Variants in TBC1D5 observed in about 807,000 individuals in gnomAD.
TBC1D5 encodes TBC1 domain family, member 5.
TBC1D5 carries 75 observed loss-of-function variants against 100.3 expected under a neutral mutation model. The ratio of observed to expected loss-of-function variants is 0.75; its 90% CI spans 0.62 to 0.91. The LOEUF (loss-of-function observed/expected upper bound fraction) is 0.91. Among genes scored for constraint, TBC1D5 ranks in the 40% least tolerant of loss-of-function variants. The pLI, the probability that TBC1D5 is intolerant of heterozygous loss-of-function variation, is 0.00. For missense variants in TBC1D5, 910 were observed against 942.4 expected (o/e 0.97, Z 0.45); for synonymous variants, 323 against 325.6 (o/e 0.99, Z 0.09).
chr3:17,530,791 T>G (rs1422308904), intron 2 of TBC1D5, among the ~76,000 whole-genome samples: 2 of 152,190 alleles, frequency 1.3e-5, no homozygotes, highest in Non-Finnish European at 1.5e-5. Flanking sequence ...CAACCCTTCA[T>G]GCTAAAAACT....
chr3:17,344,592 A>G (rs2089575410), intron 13 of TBC1D5, among the ~76,000 whole-genome samples: 1 of 152,200 alleles, frequency 6.6e-6, no homozygotes, highest in African/African-American at 2.4e-5. Flanking sequence ...GTACCAAAAA[A>G]GAGCCCGCAT....
intron 19 of TBC1D5, among the ~76,000 whole-genome samples, chr3:17,172,508 T>C (rs1031869779): frequency 6.6e-6 from 1 of 152,248 alleles, no homozygotes; most frequent in Non-Finnish European, 1.5e-5. Context: ...AGGCTCTTTC[T>C]CTTTGTTTCT....
intron 3 of TBC1D5, among the ~76,000 whole-genome samples, chr3:17,450,135 G>A (rs1308526056): frequency 6.6e-6 from 1 of 152,190 alleles, no homozygotes. Flanking sequence ...AATTGCAGAA[G>A]AGGGGCCTGA....
chr3:17,726,714 G>C (rs955224739), intron 1 of TBC1D5, among the ~76,000 whole-genome samples: 1 of 152,158 alleles, frequency 6.6e-6, no homozygotes, highest in Non-Finnish European at 1.5e-5. Flanking sequence ...TGTTAGCTCT[G>C]AAAGAATAAA....
intron 1 of TBC1D5, among the ~76,000 whole-genome samples, chr3:17,727,899 G>GTAT (rs2076250125): frequency 6.6e-6 from 1 of 152,016 alleles, no homozygotes; most frequent in African/African-American, 2.4e-5. Flanking sequence ...ATCCAAAAGA[G>GTAT]TATTAGCAAG....
chr3:17,551,422 C>A (rs2096472449), intron 2 of TBC1D5, among the ~76,000 whole-genome samples: 1 of 152,090 alleles, frequency 6.6e-6, no homozygotes, highest in Admixed American at 6.5e-5. Flanking sequence ...CTCATGTCAT[C>A]CTCATTTTCT....
At chr3:17,577,450 A>C (rs1327852396) in intron 2 of TBC1D5, among the ~76,000 whole-genome samples, 1 of 152,024 alleles carries the variant, frequency 6.6e-6, no homozygotes, top group Non-Finnish European at 1.5e-5. Context: ...ATTTTTAAAT[A>C]TATACTGTCT....
intron 19 of TBC1D5, among the ~76,000 whole-genome samples, chr3:17,169,741 C>G (rs576812610): frequency 6.6e-4 from 101 of 152,316 alleles, no homozygotes; most frequent in African/African-American, 2.4e-3. Context: ...CAGTAAGCAA[C>G]TGCAGAAAAT....
intron 15 of TBC1D5, among the ~76,000 whole-genome samples, chr3:17,268,427 T>C (rs1334605418): frequency 3.3e-5 from 5 of 151,908 alleles, no homozygotes; most frequent in Non-Finnish European, 4.4e-5. Flanking sequence ...AAAAAATGCA[T>C]AAAATAAAGT....
chr3:17,704,278 T>C (rs1221383024), intron 1 of TBC1D5, among the ~76,000 whole-genome samples: 6 of 147,064 alleles, frequency 4.1e-5, no homozygotes, highest in African/African-American at 1.5e-4. Context: ...CAGAGGAATT[T>C]TTCTTAGTGC....
intron 1 of TBC1D5, among the ~76,000 whole-genome samples, chr3:17,670,366 T>G (rs1362765432): frequency 6.6e-6 from 1 of 152,228 alleles, no homozygotes; most frequent in Non-Finnish European, 1.5e-5. Flanking sequence ...GTCCGTAATT[T>G]ATTTTCCAAC....
At position 17,387,410 on chromosome 3, in the gene TBC1D5, A is replaced by T. The variant is rs2093196554; in HGVS notation, c.510-3395T>A. Among the ~76,000 whole-genome samples, 4 of 152,074 alleles carry T rather than the reference A, an allele frequency of 2.6e-5. No individual in the cohort carries two copies. The South Asian group carries it at 6.2e-4, about 24-fold the overall frequency. ...TTAGGTAAAATTCCATTGACTTTAG[A>T]GTTACACATAAGAACCTAGCTCTGA... On this transcript the variant is annotated intron_variant, in intron 8 of 21. Coordinates refer to ENST00000253692, the Ensembl canonical transcript of TBC1D5.
chr3:17,653,049 A>T (rs73028353), intron 1 of TBC1D5, among the ~76,000 whole-genome samples: 2,331 of 152,330 alleles, frequency 0.015, 34 homozygotes, highest in Non-Finnish European at 0.028. Context: ...AGATAGACAC[A>T]AAAGTCACTA....
intron 1 of TBC1D5, among the ~76,000 whole-genome samples, chr3:17,680,748 T>C (rs1430407752): frequency 6.6e-6 from 1 of 151,436 alleles, no homozygotes; most frequent in Non-Finnish European, 1.5e-5. Context: ...CACTGTGGTA[T>C]TTAGTATTAT....
intron 1 of TBC1D5, among the ~76,000 whole-genome samples, chr3:17,650,148 G>A (rs75639875): frequency 6.6e-6 from 1 of 152,084 alleles, no homozygotes; most frequent in African/African-American, 2.4e-5. Context: ...CTTGCGGGGT[G>A]GGGGGCTGGG....
intron 1 of TBC1D5, among the ~76,000 whole-genome samples, chr3:17,719,782 A>C (rs2075542491): frequency 6.6e-6 from 1 of 152,242 alleles, no homozygotes; most frequent in African/African-American, 2.4e-5. Flanking sequence ...AGAAATTACC[A>C]GTCTGTGTTA....
At chr3:17,540,080 T>C (rs1272205294) in intron 2 of TBC1D5, among the ~76,000 whole-genome samples, 1 of 152,228 alleles carries the variant, frequency 6.6e-6, no homozygotes, top group East Asian at 1.9e-4. Context: ...GATTTGGATT[T>C]TCCTAAATAT....
chr3:17,446,106 T>C (rs1043547468), intron 3 of TBC1D5, among the ~76,000 whole-genome samples: 1 of 152,234 alleles, frequency 6.6e-6, no homozygotes, highest in Non-Finnish European at 1.5e-5. Flanking sequence ...CATAAAAATA[T>C]GTACGGCAGA....
intron 13 of TBC1D5, among the ~76,000 whole-genome samples, chr3:17,328,216 G>T (rs1053466960): frequency 2.6e-5 from 4 of 151,960 alleles, no homozygotes; most frequent in African/African-American, 9.7e-5. Flanking sequence ...GCCACAGTGA[G>T]CCATGAACAG....
Sources: gnomAD v4.1 joint callset for allele counts (sites outside exome capture counted in the v4.1 genomes callset) on GRCh38, gnomAD v4.1.1 for gene constraint, MANE v1.5 for transcripts, NCBI Gene and HGNC (gene_info 2026-07-23, HGNC 2026-07-21) for gene names.